The following DDX60 variants were observed in gnomAD, a reference collection of about 807,000 sequenced individuals.
The protein encoded by DDX60 is probable ATP-dependent RNA helicase DDX60.
In DDX60, 165 loss-of-function variants were observed where a neutral mutation model predicts 212.8. The observed-to-expected ratio is 0.78, with a 90% CI of 0.68 to 0.88. DDX60 has a LOEUF of 0.88. Among genes scored for constraint, DDX60 ranks in the 40% least tolerant of loss-of-function variants. DDX60 has a pLI of 0.00. For missense variants in DDX60, 1,905 were observed against 2,003.9 expected, an observed-to-expected ratio of 0.95 and a Z score of 0.94; for synonymous variants, 703 against 685.3, an observed-to-expected ratio of 1.03 and a Z score of -0.40.
At position 168,217,098 on chromosome 4, in the gene DDX60, C is replaced by T. The variant is rs1182408496; in HGVS notation, c.5040-66G>A. 4 of 1,026,524 alleles carry T rather than the reference C, an allele frequency of 3.9e-6. No homozygotes were observed. The East Asian group carries it at 1.1e-4, about 28-fold the overall frequency. 63.6% of individuals were successfully genotyped at this position (1,026,524 alleles called of 1,614,324 possible). A position where few individuals can be genotyped will look rare whatever the true frequency, so the allele number is the denominator to read the frequency against. ...ATTGAATATTATAAGAAAGGCTTTC[C>T]TTGGTTAGGCAGAAGTAAGGAAATC... On this transcript the variant is annotated intron_variant, in intron 37 of 37. Coordinates refer to ENST00000393743, the MANE Select transcript of DDX60 (RefSeq NM_017631.6).
intron 22 of DDX60, among the ~76,000 whole-genome samples, chr4:168,266,610 T>C (rs943816811): frequency 6.6e-6 from 1 of 152,178 alleles, no homozygotes; most frequent in East Asian, 1.9e-4. Context: ...GGCATCCGGT[T>C]TGAAATATTC....
intron 1 of DDX60, among the ~76,000 whole-genome samples, chr4:168,316,159 A>G (rs1737361242): frequency 6.6e-6 from 1 of 152,250 alleles, no homozygotes. Context: ...AAAGAAAAAC[A>G]AGAGAACCCA....
intron 1 of DDX60, among the ~76,000 whole-genome samples, chr4:168,317,053 G>A (rs501891): frequency 0.41 from 51,936 of 127,148 alleles, 11,310 homozygotes; most frequent in African/African-American, 0.63. Context: ...GCAAGACTCC[G>A]TCTCAAAAAA....
upstream of DDX60, among the ~76,000 whole-genome samples, chr4:168,321,447 G>A (rs1737609530): frequency 6.6e-6 from 1 of 152,074 alleles, no homozygotes; most frequent in African/African-American, 2.4e-5. Context: ...GCCACCAAGG[G>A]GAATGACCCA....
At chr4:168,248,023 T>C (rs1481771214) in intron 29 of DDX60, among the ~76,000 whole-genome samples, 165 bp downstream of exon 29, 1 of 152,212 alleles carries the variant, frequency 6.6e-6, no homozygotes, top group Non-Finnish European at 1.5e-5. Context: ...CAAATGCAGG[T>C]GCTTTCAACT....
Position 168,303,706 on chromosome 4 carries a change from G to C in DDX60, c.607-1290C>G, listed in dbSNP as rs117488679. ...GGCATATAAAAGTACAGCATAGGCTGGGCGTGGTGGCTCACGTCTGTAATC... is the reference window on the plus strand; with the variant it reads ...GGCATATAAAAGTACAGCATAGGCTCGGCGTGGTGGCTCACGTCTGTAATC... On this transcript the variant is annotated intron_variant, in intron 5 of 37. Transcript: ENST00000393743. Among the ~76,000 whole-genome samples the C allele has an allele frequency of 6.2e-4, 94 of 152,292 alleles. 6 individuals are homozygous for C. The East Asian group carries it at 0.018, about 29-fold the overall frequency.
chr4:168,291,653 A>ATAG, intron 8 of DDX60, 95 bp downstream of exon 8: 1 of 1,177,436 alleles, frequency 8.5e-7, no homozygotes, highest in Non-Finnish European at 1.2e-6. Flanking sequence ...CAAGGGGCTA[A>ATAG]TAGTAGTCCC....
chr4:168,230,846 G>A (rs1286560236), intron 33 of DDX60, among the ~76,000 whole-genome samples: 1 of 151,820 alleles, frequency 6.6e-6, no homozygotes, highest in Non-Finnish European at 1.5e-5. Flanking sequence ...GATCAGAGCA[G>A]AACTAAATGA....
At chr4:168,292,832 C>T (rs775353129) in intron 7 of DDX60, among the ~76,000 whole-genome samples, 23 of 152,114 alleles carry the variant, frequency 1.5e-4, no homozygotes, top group Non-Finnish European at 2.5e-4. Context: ...TTAGAAATTC[C>T]AGAGAGGCAG....
chr4:168,241,396 G>A (rs528079490), intron 30 of DDX60, among the ~76,000 whole-genome samples: 2 of 152,228 alleles, frequency 1.3e-5, no homozygotes, highest in African/African-American at 2.4e-5. Context: ...AGGAACATGT[G>A]GGAAAGTTTG....
chr4:168,302,310 A>G lies in DDX60; in HGVS notation c.713T>C (p.Ile238Thr), dbSNP rs1295570394. The change falls in exon 6 of 38, where the codon ATT becomes ACT. Residue 238 changes from isoleucine (I) to threonine (T), a missense_variant. Transcript: ENST00000393743. ...AAAATGTTTTGTTACCTCTTCCGTA[A>G]TATTATTCCATTTTAAACTTCCAAA... ...PLFGSLKWNN[I>T]TEEAHKTVSL... 2 of 1,510,996 alleles carry G rather than the reference A, an allele frequency of 1.3e-6. No homozygotes were observed. The highest frequency in any genetic ancestry group is 9.0e-7 in the Non-Finnish European group (1 of 1,111,932). 93.6% of individuals were successfully genotyped at this position (1,510,996 alleles called of 1,614,324 possible).
At position 168,237,303 on chromosome 4, in the gene DDX60, CAG is replaced by C; in HGVS notation, c.4392_4393del (p.Cys1465SerfsTer50). Reference sequence around the variant, plus strand: ...AAGCTTACCTTTCCTGGTTGGCTGACAGAGATCATGGAAGAGTCCATTTACAA... The same window carrying C: ...AAGCTTACCTTTCCTGGTTGGCTGACAGATCATGGAAGAGTCCATTTACAA... On this transcript the variant is annotated frameshift_variant, in exon 32 of 38. Transcript: ENST00000393743. LOFTEE classifies it high-confidence loss of function. The C allele has an allele frequency of 6.4e-7, 1 of 1,557,332 alleles. No homozygotes were observed. The highest frequency in any genetic ancestry group is 1.4e-5 in the African/African-American group (1 of 73,390).
chr4:168,287,616 C>G (rs1203777308), intron 9 of DDX60, among the ~76,000 whole-genome samples: 2 of 152,262 alleles, frequency 1.3e-5, no homozygotes, highest in East Asian at 3.9e-4. Context: ...ATGATTACAA[C>G]ATGAAGGAAC....
chr4:168,269,949 A>G (rs1735019631), intron 19 of DDX60, among the ~76,000 whole-genome samples: 3 of 152,150 alleles, frequency 2.0e-5, no homozygotes, highest in African/African-American at 7.2e-5. Context: ...CTGACCACCT[A>G]TTCCAGAGTT....
intron 25 of DDX60, 129 bp downstream of exon 25, chr4:168,260,736 T>C (rs1372867280): frequency 1.2e-6 from 1 of 835,456 alleles, no homozygotes; most frequent in South Asian, 1.7e-5. Flanking sequence ...TCCTGCTCTG[T>C]GGCACAATTC....
intron 2 of DDX60, 58 bp downstream of exon 2, chr4:168,311,198 T>C (rs958838962): frequency 7.0e-6 from 11 of 1,569,200 alleles, no homozygotes; most frequent in East Asian, 2.3e-5. Context: ...ATTAAATCTA[T>C]GTAGTTTACA....
At chr4:168,295,629 T>A (rs999386173) in intron 6 of DDX60, among the ~76,000 whole-genome samples, 1 of 151,778 alleles carries the variant, frequency 6.6e-6, no homozygotes, top group Non-Finnish European at 1.5e-5. Context: ...GAATCGTTCA[T>A]TGCTCAATTA....
At chr4:168,296,382 G>A (rs1323725482) in intron 6 of DDX60, among the ~76,000 whole-genome samples, 1 of 151,978 alleles carries the variant, frequency 6.6e-6, no homozygotes, top group African/African-American at 2.4e-5. Context: ...GGAAAGAAAA[G>A]GAAGCTTTAA....
In DDX60 at chr4:168,274,028, G is replaced by A. The variant is rs1489149518; in HGVS notation, c.2360C>T (p.Thr787Met). The A allele has an allele frequency of 1.2e-5, 19 of 1,614,222 alleles. No homozygotes were observed. The highest frequency in any genetic ancestry group is 1.6e-5 in the Non-Finnish European group (19 of 1,180,022). Residue 787 changes from threonine (T) to methionine (M), a missense_variant, in exon 17 of 38, where the codon ACG becomes ATG. Transcript: ENST00000393743. ...GGAGGCATAGGTTTTGCCTGAGGAC[G>A]TTGGGGCAACAATCACTGCTGACTC... ...KNESAVIVAP[T>M]SSGKTYASYY...
Sources: allele counts gnomAD v4.1 joint callset (sites outside exome capture counted in the v4.1 genomes callset), GRCh38; gene constraint gnomAD v4.1.1; transcripts MANE v1.5; gene names NCBI Gene and HGNC (gene_info 2026-07-23, HGNC 2026-07-21).